GRIP1: variants seen among roughly 807,000 people sequenced by gnomAD.
The protein encoded by GRIP1 is glutamate receptor-interacting protein 1.
GRIP1 carries 45 observed loss-of-function variants against 129.9 expected under a neutral mutation model. The ratio of observed to expected loss-of-function variants is 0.35; its 90% CI spans 0.27 to 0.44. GRIP1 has a LOEUF of 0.44. GRIP1 is among the 20% of genes least tolerant of loss of function. The pLI, the probability that GRIP1 is intolerant of heterozygous loss-of-function variation, is 1.00. For missense variants in GRIP1, 1,196 were observed against 1,396.8 expected, an observed-to-expected ratio of 0.86 and a Z score of 2.29; for synonymous variants, 530 against 520.8, an observed-to-expected ratio of 1.02 and a Z score of -0.24.
chr12:66,577,877 C>T (rs1175158521), intron 2 of GRIP1, among the ~76,000 whole-genome samples: 1 of 152,156 alleles, frequency 6.6e-6, no homozygotes, highest in African/African-American at 2.4e-5. Flanking sequence ...TGACTTGAGC[C>T]CAGGAGGTAA....
intron 1 of GRIP1, among the ~76,000 whole-genome samples, chr12:67,003,733 T>A (rs1343604363): frequency 2.0e-5 from 3 of 151,778 alleles, no homozygotes; most frequent in Admixed American, 6.6e-5. Context: ...AATAAAAAAA[T>A]AAATAAAAAA....
chr12:66,666,720 C>T (rs926100196), intron 1 of GRIP1, among the ~76,000 whole-genome samples: 1 of 152,066 alleles, frequency 6.6e-6, no homozygotes, highest in African/African-American at 2.4e-5. Flanking sequence ...CTTCTATATA[C>T]ATTTTTGCTT....
chr12:67,050,204 G>C (rs573174813), intron 1 of GRIP1, among the ~76,000 whole-genome samples: 2 of 152,164 alleles, frequency 1.3e-5, no homozygotes, highest in Admixed American at 1.3e-4. Flanking sequence ...TTGATGTATA[G>C]AAATATTAAA....
At chr12:66,479,269 C>T (rs1355257776) in intron 7 of GRIP1, among the ~76,000 whole-genome samples, 2 of 151,850 alleles carry the variant, frequency 1.3e-5, no homozygotes, top group Non-Finnish European at 2.9e-5. Context: ...TACAAAATAC[C>T]ATCAGAGAAT....
intron 1 of GRIP1, among the ~76,000 whole-genome samples, chr12:67,015,504 T>A (rs1314785910): frequency 6.6e-6 from 1 of 152,106 alleles, no homozygotes; most frequent in Admixed American, 6.6e-5. Context: ...CCTGGTGAAC[T>A]CTTATAATTC....
intron 7 of GRIP1, among the ~76,000 whole-genome samples, chr12:66,510,910 G>C (rs1466629873): frequency 2.0e-5 from 3 of 152,118 alleles, no homozygotes; most frequent in Non-Finnish European, 2.9e-5. Flanking sequence ...GCTCCACATT[G>C]TTATTCATCC....
At chr12:66,851,592 A>G (rs2039913563) in intron 1 of GRIP1, among the ~76,000 whole-genome samples, 1 of 152,064 alleles carries the variant, frequency 6.6e-6, no homozygotes, top group Non-Finnish European at 1.5e-5. Flanking sequence ...CACAGTCACT[A>G]ATCAGTTCAG....
intron 15 of GRIP1, among the ~76,000 whole-genome samples, chr12:66,419,914 G>A (rs1463228388): frequency 1.3e-5 from 2 of 152,162 alleles, no homozygotes; most frequent in African/African-American, 2.4e-5. Flanking sequence ...TAGCCAACAT[G>A]GCAAAACCCC....
At chr12:66,612,762 G>T (rs1305428511) in intron 1 of GRIP1, among the ~76,000 whole-genome samples, 1 of 152,248 alleles carries the variant, frequency 6.6e-6, no homozygotes, top group Admixed American at 6.5e-5. Flanking sequence ...CAGAAACCTT[G>T]TTATGCAGCA....
intron 2 of GRIP1, among the ~76,000 whole-genome samples, chr12:66,558,506 C>G (rs550618629): frequency 6.6e-6 from 1 of 152,128 alleles, no homozygotes; most frequent in Non-Finnish European, 1.5e-5. Flanking sequence ...GGTGGGAAAA[C>G]AGCCAAATCA....
At chr12:66,605,648 C>G (rs536943000) in intron 1 of GRIP1, among the ~76,000 whole-genome samples, 1 of 152,296 alleles carries the variant, frequency 6.6e-6, no homozygotes, top group African/African-American at 2.4e-5. Flanking sequence ...CAATCGGTGA[C>G]AGGATAAAAC....
At chr12:66,896,350 G>A (rs986503305) in intron 1 of GRIP1, among the ~76,000 whole-genome samples, 1 of 152,050 alleles carries the variant, frequency 6.6e-6, no homozygotes, top group East Asian at 1.9e-4. Context: ...GGGAAGTCTA[G>A]GAGGAGAAGG....
At chr12:66,673,075 G>A (rs2034155898) in intron 1 of GRIP1, among the ~76,000 whole-genome samples, 1 of 152,080 alleles carries the variant, frequency 6.6e-6, no homozygotes, top group Non-Finnish European at 1.5e-5. Flanking sequence ...ATTCTAGATA[G>A]GCAGGTCTAT....
At chr12:66,402,507 C>T (rs191844378) in intron 16 of GRIP1, among the ~76,000 whole-genome samples, 1 of 152,326 alleles carries the variant, frequency 6.6e-6, no homozygotes, top group East Asian at 1.9e-4. Flanking sequence ...GAAATGCTTA[C>T]ATTTTGAAGT....
At chr12:66,390,339 T>C (rs893381721) in intron 19 of GRIP1, among the ~76,000 whole-genome samples, 4 of 152,198 alleles carry the variant, frequency 2.6e-5, no homozygotes, top group South Asian at 2.1e-4. Context: ...TCTATATATA[T>C]AAAGGGTTAT....
intron 1 of GRIP1, among the ~76,000 whole-genome samples, chr12:66,788,553 TA>T (rs548677296): frequency 2.1e-4 from 31 of 146,680 alleles, no homozygotes; most frequent in African/African-American, 5.7e-4. Context: ...AAATTAAATT[TA>T]AAAAAAAAAA....
chr12:66,833,234 T>C (rs7358791), intron 1 of GRIP1, among the ~76,000 whole-genome samples: 24,590 of 152,208 alleles, frequency 0.16, 2,133 homozygotes, highest in East Asian at 0.37. Context: ...GGTTCTAAAG[T>C]AGGGTGTGTA....
At chr12:67,006,975 G>C (rs1009355010) in intron 1 of GRIP1, among the ~76,000 whole-genome samples, 6 of 152,150 alleles carry the variant, frequency 3.9e-5, no homozygotes, top group Non-Finnish European at 7.4e-5. Flanking sequence ...TAAAACTACA[G>C]AACAAAATCA....
intron 1 of GRIP1, among the ~76,000 whole-genome samples, chr12:66,620,295 T>C (rs184263745): frequency 6.6e-5 from 10 of 152,316 alleles, no homozygotes; most frequent in Admixed American, 6.5e-4. Context: ...CTGCCAATGA[T>C]CTGCTGAGGG....
Sources: gnomAD v4.1 joint callset for allele counts (sites outside exome capture counted in the v4.1 genomes callset) on GRCh38, gnomAD v4.1.1 for gene constraint, MANE v1.5 for transcripts, NCBI Gene and HGNC (gene_info 2026-07-23, HGNC 2026-07-21) for gene names.